TYSND1: variants seen among roughly 807,000 people sequenced by gnomAD.
TYSND1 encodes trypsin like peroxisomal matrix peptidase 1.
TYSND1 carries 30 observed loss-of-function variants against 37.2 expected under a neutral mutation model. The ratio of observed to expected loss-of-function variants is 0.81; its 90% CI spans 0.60 to 1.09. The LOEUF (loss-of-function observed/expected upper bound fraction) is 1.09, where lower values mean the gene tolerates loss of function less well. TYSND1 is among the 50% of genes least tolerant of loss of function. The pLI is 0.00. For synonymous variants in TYSND1, 364 were observed against 383.8 expected (o/e 0.95, Z 0.60); for missense variants, 806 against 817.4 (o/e 0.99, Z 0.17).
chr10:70,145,693 G>A lies in TYSND1; in HGVS notation c.894C>T (p.Ala298=), dbSNP rs1288475789. Residue 298 remains alanine (A), a synonymous_variant, in exon 1 of 4, where the codon GCC becomes GCT. Transcript: ENST00000287078. The part of the protein sequence containing the change: ...GEWVGFTLLC[A]AAPLFRAARD... ...GGGCGGCGCGGAAAAGGGGGGCGGC[G>A]GCGCAGAGCAGCGTGAAGCCCACCC... 1.4e-6 allele frequency: 2 copies of A among 1,386,698 alleles called. No homozygotes were observed. The highest frequency in any genetic ancestry group is 1.9e-6 in the Non-Finnish European group (2 of 1,079,352). The allele number at this position is 1,386,698 out of a possible 1,614,324, so 85.9% of individuals were successfully genotyped here.
At chr10:70,142,351 CATTT>C (rs1299059848) in intron 3 of TYSND1, among the ~76,000 whole-genome samples, 1 of 152,104 alleles carries the variant, frequency 6.6e-6, no homozygotes, top group East Asian at 1.9e-4. Context: ...TCTTCTCATT[CATTT>C]GCTTTATCTT....
Position 70,142,835 on chromosome 10 carries a change from A to G in TYSND1, c.1316T>C (p.Val439Ala). 2 of 1,613,820 alleles carry G rather than the reference A, an allele frequency of 1.2e-6. No individual in the cohort carries two copies. The highest frequency in any genetic ancestry group is 1.7e-6 in the Non-Finnish European group (2 of 1,179,836). The change falls in exon 3 of 4, where the codon GTG (valine) becomes GCG (alanine). Residue 439 changes from valine to alanine, a missense_variant. This residue lies in a region of TYSND1 where 708 missense variants were observed against 705.4 expected (regional missense o/e 1.00). Transcript: ENST00000287078. ...HFHEGEAVSV[V>A]GFGVFGQSCG... ...AGACTGGCCAAAGACGCCAAAGCCCACCACACTCACAGCCTCGCCTGCCAG... is the reference window on the plus strand; with the variant it reads ...AGACTGGCCAAAGACGCCAAAGCCCGCCACACTCACAGCCTCGCCTGCCAG...
chr10:70,140,104 C>T lies in TYSND1; in HGVS notation c.1521G>A (p.Gly507=). Residue 507 remains glycine, a synonymous_variant, in exon 4 of 4, where the codon GGG becomes GGA. Transcript: ENST00000287078. The part of the protein sequence containing the change: ...ITSNTRDNNT[G]ATYPHLNFSI... ...TGAAGTTCAGGTGGGGGTAGGTGGCCCCCGTATTATTGTCCCGGGTGTTGC... is the reference window on the plus strand; with the variant it reads ...TGAAGTTCAGGTGGGGGTAGGTGGCTCCCGTATTATTGTCCCGGGTGTTGC... 6.2e-7 allele frequency: 1 copy of T among 1,613,298 alleles called. No homozygotes were observed. The highest frequency in any genetic ancestry group is 8.5e-7 in the Non-Finnish European group (1 of 1,179,454).
intron 1 of TYSND1, chr10:70,144,549 C>G: frequency 1.0e-6 from 1 of 987,698 alleles, no homozygotes; most frequent in Non-Finnish European, 1.2e-6. Flanking sequence ...CGTCAACTCC[C>G]GGGGAGGCAG....
chr10:70,142,892 G>A, intron 2 of TYSND1, 39 bp from the exon 3 acceptor site: 1 of 1,603,308 alleles, frequency 6.2e-7, no homozygotes, highest in Admixed American at 1.7e-5. Flanking sequence ...GGGGACACCT[G>A]TGTTACAGCA....
chr10:70,146,163 C>T lies in TYSND1; in HGVS notation c.424G>A (p.Ala142Thr), dbSNP rs1170393139. ...AGGCGCGCGAAGTGGGCCCAGAAGG[C>T]CGGGCAGCTCAGCAGCAGCAGCAGC... ...AELLLLLSCP[A>T]FWAHFARLFG... Residue 142 changes from alanine to threonine, a missense_variant, in exon 1 of 4, where the codon GCC becomes ACC. Around this residue, in one of 3 missense-constraint regions of TYSND1, gnomAD observed 708 missense variants for 705.4 expected, o/e 1.00. Transcript: ENST00000287078. 6 of 1,549,196 alleles carry T rather than the reference C, an allele frequency of 3.9e-6. No homozygotes were observed. Among genetic ancestry groups the T allele is most frequent in the African/African-American group, 1.4e-5 (1 of 73,156 alleles).
chr10:70,144,412 A>G, intron 1 of TYSND1: 6 of 973,114 alleles, frequency 6.2e-6, no homozygotes, highest in Non-Finnish European at 7.4e-6. Flanking sequence ...CCTCGTTGAT[A>G]CCCACAACAA....
rs1663202419 is a variant in TYSND1 at position 70,146,606 on chromosome 10, CGGGAGCTTCTCCGAG to C, written c.-35_-21del. 2 of 1,489,432 alleles carry C rather than the reference CGGGAGCTTCTCCGAG, an allele frequency of 1.3e-6. No individual in the cohort carries two copies. Among genetic ancestry groups the C allele is most frequent in the Non-Finnish European group, 1.8e-6 (2 of 1,126,490 alleles). The allele number at this position is 1,489,432 out of a possible 1,614,324, so 92.3% of individuals were successfully genotyped here. A position where few individuals can be genotyped will look rare whatever the true frequency, so the allele number is the denominator to read the frequency against. ...TCTCATGGCCTCTAGGCCGGACACT[CGGGAGCTTCTCCGAG>C]AAACAGCAAGCTAGCGAGCGAGGAC... On this transcript the variant is annotated 5_prime_UTR_variant, in exon 1 of 4. Coordinates refer to ENST00000287078, the MANE Select transcript of TYSND1 (RefSeq NM_173555.4).
rs370554179 is a variant in TYSND1 at position 70,142,189 on chromosome 10, G to A, written c.1483+479C>T. 9.9e-4 allele frequency among the ~76,000 whole-genome samples: 151 copies of A among 152,132 alleles called. 4 individuals are homozygous for A. The South Asian group carries it at 0.025, about 25-fold the overall frequency. ...AAATTTAAAAATTGATCGATTTAAC[G>A]GCCACATGTATTTTTTTAAAAAAGC... is the stretch of plus-strand genomic sequence containing the variant. On this transcript the variant is annotated intron_variant, in intron 3 of 3. Transcript: ENST00000287078.
intron 1 of TYSND1, chr10:70,144,332 C>T (rs187493218): frequency 4.2e-4 from 184 of 438,424 alleles, no homozygotes; most frequent in African/African-American, 1.8e-3. Flanking sequence ...GGCCCAGAGA[C>T]GCTCAGTAAC....
Position 70,146,620 on chromosome 10 carries a change from A to G in TYSND1, c.-34T>C. 11 of 1,470,284 alleles carry G rather than the reference A, an allele frequency of 7.5e-6. No individual in the cohort carries two copies. Among genetic ancestry groups the G allele is most frequent in the Non-Finnish European group, 9.8e-6 (11 of 1,117,432 alleles). The allele number at this position is 1,470,284 out of a possible 1,614,324, so 91.1% of individuals were successfully genotyped here. Reference sequence around the variant, plus strand: ...GGCCGGACACTCGGGAGCTTCTCCGAGAAACAGCAAGCTAGCGAGCGAGGA... The same window carrying G: ...GGCCGGACACTCGGGAGCTTCTCCGGGAAACAGCAAGCTAGCGAGCGAGGA... On this transcript the variant is annotated 5_prime_UTR_variant, in exon 1 of 4. Coordinates refer to ENST00000287078, the MANE Select transcript of TYSND1 (RefSeq NM_173555.4).
chr10:70,139,938 G>T lies in TYSND1; in HGVS notation c.1687C>A (p.Arg563=), dbSNP rs377549834. The change falls in exon 4 of 4, where the codon CGG becomes AGG. Residue 563 remains arginine, a synonymous_variant. Transcript: ENST00000287078. The stretch of plus-strand genomic sequence containing the variant: ...GTAACACAGCCTCAGAGCTTGCTCC[G>T]CGGGGCCTCTGCCAGGGGCCGCTGC... ...RLQRPLAEAP[R]SKL 2.5e-6 allele frequency: 4 copies of T among 1,612,896 alleles called. No homozygotes were observed. The highest frequency in any genetic ancestry group is 1.7e-5 in the Admixed American group (1 of 60,008).
At position 70,146,033 on chromosome 10, in the gene TYSND1, A is replaced by T. The variant is rs1422694186; in HGVS notation, c.554T>A (p.Phe185Tyr). The change falls in exon 1 of 4, where the codon TTT becomes TAT. Residue 185 changes from phenylalanine (F) to tyrosine (Y), a missense_variant. Physicochemically the swap from Phe to Tyr is conservative, Grantham distance 22 (BLOSUM62 3). Transcript: ENST00000287078. The stretch of plus-strand genomic sequence containing the variant: ...GCCTAGCCGCACGCCCAGCAGCGCA[A>T]ACCAGCCCAGCGCTCTCAGTTGATC... ...EADQLRALGW[F>Y]ALLGVRLGQE... 4 of 1,602,692 alleles carry T rather than the reference A, an allele frequency of 2.5e-6. No individual in the cohort carries two copies. In the South Asian group the frequency reaches 4.5e-5, roughly 18 times the overall value.
rs1421164566 is a variant in TYSND1 at position 70,145,672 on chromosome 10, G to A, written c.915C>T (p.Ala305=). 1 of 1,386,956 alleles carries A rather than the reference G, an allele frequency of 7.2e-7. No individual in the cohort carries two copies. Among genetic ancestry groups the A allele is most frequent in the Non-Finnish European group, 9.3e-7 (1 of 1,079,912 alleles). 85.9% of individuals were successfully genotyped at this position (1,386,956 alleles called of 1,614,324 possible). A position where few individuals can be genotyped will look rare whatever the true frequency, so the allele number is the denominator to read the frequency against. The part of the protein sequence containing the change: ...LLCAAAPLFR[A]ARDALHRLPH... ...GCAGGCGGTGAAGCGCGTCGCGGGC[G>A]GCGCGGAAAAGGGGGGCGGCGGCGC... Residue 305 remains alanine, a synonymous_variant, in exon 1 of 4, where the codon GCC becomes GCT. Transcript: ENST00000287078.
chr10:70,141,097 G>A (rs986504903), intron 3 of TYSND1, among the ~76,000 whole-genome samples: 41 of 149,112 alleles, frequency 2.7e-4, no homozygotes, highest in African/African-American at 8.9e-4. Flanking sequence ...TGATTCTCCC[G>A]CCTCAGCCTC....
rs1375774211 is a variant in TYSND1 at position 70,143,936 on chromosome 10, A to G, written c.1203T>C (p.Thr401=). Residue 401 remains threonine (T), a synonymous_variant, in exon 2 of 4, where the codon ACT becomes ACC. Coordinates refer to ENST00000287078, the MANE Select transcript of TYSND1 (RefSeq NM_173555.4). ...CTATGTCATAGGGACATGTCTCCTGAGTGGCAAATACCACACGGCCCCAGA... is the reference window on the plus strand; with the variant it reads ...CTATGTCATAGGGACATGTCTCCTGGGTGGCAAATACCACACGGCCCCAGA... The part of the protein sequence containing the change: ...VAIWGRVVFA[T]QETCPYDIAV... 1 of 1,614,232 alleles carries G rather than the reference A, an allele frequency of 6.2e-7. No individual in the cohort carries two copies. The highest frequency in any genetic ancestry group is 1.7e-5 in the Admixed American group (1 of 60,036).
At position 70,139,804 on chromosome 10, in the gene TYSND1, T is replaced by A; in HGVS notation, c.*120A>T. ...CCAGTCTGCAGTCAGTGGGTGGAGA[T>A]GAGAGGCAGCCTGGGCCCCTGCAGG... On this transcript the variant is annotated 3_prime_UTR_variant, in exon 4 of 4. Transcript: ENST00000287078. The A allele has an allele frequency of 2.1e-6, 2 of 973,688 alleles. No individual in the cohort carries two copies. Among genetic ancestry groups the A allele is most frequent in the Non-Finnish European group, 3.0e-6 (2 of 661,910 alleles). 60.3% of individuals were successfully genotyped at this position (973,688 alleles called of 1,614,324 possible).
intron 1 of TYSND1, 121 bp downstream of exon 1, chr10:70,145,300 C>CT: frequency 1.0e-6 from 1 of 993,940 alleles, no homozygotes; most frequent in South Asian, 3.7e-5. Context: ...TCTCTACCCA[C>CT]TACACGCCCA....
chr10:70,142,426 C>T (rs905159362), intron 3 of TYSND1, among the ~76,000 whole-genome samples: 1 of 152,184 alleles, frequency 6.6e-6, no homozygotes, highest in Non-Finnish European at 1.5e-5. Flanking sequence ...CTCAATTTCA[C>T]AGATCAAACC....
Sources: allele counts gnomAD v4.1 joint callset (sites outside exome capture counted in the v4.1 genomes callset), GRCh38; gene constraint gnomAD v4.1.1; regional missense constraint gnomAD v4.1.1; transcripts MANE v1.5; gene names NCBI Gene and HGNC (gene_info 2026-07-23, HGNC 2026-07-21).